HAUS7: variants seen among roughly 807,000 people sequenced by gnomAD.
HAUS7 encodes HAUS augmin like complex subunit 7.
A neutral mutation model predicts 28.4 loss-of-function variants in HAUS7; 3 were observed. That is an observed-to-expected ratio of 0.11 (90% confidence interval 0.05 to 0.27). HAUS7 has a LOEUF of 0.27. Among genes scored for constraint, HAUS7 ranks in the 10% least tolerant of loss-of-function variants. HAUS7 has a pLI of 1.00. For synonymous variants in HAUS7, 165 were observed against 132.1 expected (o/e 1.25, Z -1.71); for missense variants, 284 against 297.3 (o/e 0.96, Z 0.33).
At chrX:153,491,378 C>A (rs782145905) in intron 1 of HAUS7, among the ~76,000 whole-genome samples, 1 of 112,792 alleles carries the variant, frequency 8.9e-6, no homozygotes, top group East Asian at 2.8e-4. Context: ...GAAGACAGGG[C>A]ACAAACAGCT....
At chrX:153,478,263 C>A (rs938650933) in intron 1 of HAUS7, among the ~76,000 whole-genome samples, 7 of 112,212 alleles carry the variant, frequency 6.2e-5, no homozygotes, top group Non-Finnish European at 1.3e-4. Flanking sequence ...CAGGGACACC[C>A]CAGTTGGAGC....
chrX:153,482,052 G>A, intron 1 of HAUS7: 1 of 280,080 alleles, frequency 3.6e-6, no homozygotes, highest in Non-Finnish European at 4.9e-6. Flanking sequence ...CCTGGAGGAG[G>A]CACTGCAGAG....
intron 1 of HAUS7, among the ~76,000 whole-genome samples, chrX:153,476,487 A>G (rs1406417177): frequency 1.8e-5 from 2 of 111,809 alleles, no homozygotes; most frequent in African/African-American, 3.3e-5. Context: ...AGTGGGCTAC[A>G]TGGAAGGGAA....
intron 1 of HAUS7, chrX:153,481,864 A>C: frequency 7.9e-6 from 6 of 755,398 alleles, no homozygotes; most frequent in Non-Finnish European, 9.4e-6. Flanking sequence ...CCCAACCTGG[A>C]GTGGCTGGAT....
chrX:153,447,901 T>C lies in HAUS7; in HGVS notation c.1054A>G (p.Met352Val), dbSNP rs1272409129. 1 of 1,198,575 alleles carries C rather than the reference T, an allele frequency of 8.3e-7. No individual in the cohort carries two copies. The highest frequency in any genetic ancestry group is 1.1e-6 in the Non-Finnish European group (1 of 884,223). ...SSSVMSLATK[M>V]NELMEK is the part of the protein sequence containing the mutation. ...TTCTATTTCTCCATTAGTTCATTCA[T>C]CTTGGTAGCTGCAGAGGAAAGAAAA... is the stretch of plus-strand genomic sequence containing the variant. The change falls in exon 10 of 10, where the codon ATG becomes GTG. Residue 352 changes from methionine to valine, a missense_variant. Met to Val is a conservative substitution (Grantham distance 21). Coordinates refer to ENST00000370211, the MANE Select transcript of HAUS7 (RefSeq NM_001385482.1).
chrX:153,461,886 C>A, intron 4 of HAUS7: 1 of 341,204 alleles, frequency 2.9e-6, no homozygotes. Flanking sequence ...CCACTCCCAG[C>A]TATACACCCA....
chrX:153,451,598 G>C (rs2089240346), intron 9 of HAUS7, among the ~76,000 whole-genome samples: 1 of 112,172 alleles, frequency 8.9e-6, no homozygotes, highest in Non-Finnish European at 1.9e-5. Context: ...AGAGGCTATG[G>C]ACCTGAAACC....
chrX:153,462,627 C>G lies in HAUS7; in HGVS notation c.337G>C (p.Asp113His). 1 of 1,205,250 alleles carries G rather than the reference C, an allele frequency of 8.3e-7. No homozygotes were observed. The highest frequency in any genetic ancestry group is 1.1e-6 in the Non-Finnish European group (1 of 889,015). Reference sequence around the variant, plus strand: ...CCTCTTACCTTGAGGAGCTCCTGGTCATCTGGCGCACACAGCATCAGCTCG... The same window carrying G: ...CCTCTTACCTTGAGGAGCTCCTGGTGATCTGGCGCACACAGCATCAGCTCG... The part of the protein sequence containing the change: ...GHELMLCAPD[D>H]QELLKGCACA... The change falls in exon 4 of 10, where the codon GAC (aspartate) becomes CAC (histidine). Residue 113 changes from aspartate (D) to histidine (H), a missense_variant. Transcript: ENST00000370211.
At chrX:153,462,278 G>A (rs1433689124) in intron 4 of HAUS7, 4 of 666,680 alleles carry the variant, frequency 6.0e-6, no homozygotes, top group Admixed American at 8.8e-5. Flanking sequence ...GCCAGGCGCC[G>A]GGATGAATGA....
At chrX:153,458,433 G>A (rs782149272) in intron 4 of HAUS7, among the ~76,000 whole-genome samples, 1 of 113,184 alleles carries the variant, frequency 8.8e-6, no homozygotes, top group South Asian at 3.6e-4. Flanking sequence ...AGGATCACGC[G>A]TGTCCCAGCG....
intron 1 of HAUS7, among the ~76,000 whole-genome samples, chrX:153,489,912 C>A (rs1376314222): frequency 8.9e-6 from 1 of 112,982 alleles, no homozygotes; most frequent in African/African-American, 3.2e-5. Context: ...CCACCCCCTA[C>A]CCCCATAATA....
At chrX:153,485,111 G>A (rs782070674) in intron 1 of HAUS7, among the ~76,000 whole-genome samples, 5 of 112,266 alleles carry the variant, frequency 4.5e-5, no homozygotes, top group South Asian at 3.7e-4. Flanking sequence ...ACCATGGAGC[G>A]ACCGGGGGCT....
At chrX:153,448,048 T>C (rs965605198) in intron 9 of HAUS7, 139 bp from the exon 10 acceptor site, 35 of 485,895 alleles carry the variant, frequency 7.2e-5, no homozygotes, top group Middle Eastern at 5.6e-4. Flanking sequence ...ACTGGGTATA[T>C]ACCCAAAGGA....
rs369914736 is a variant in HAUS7 at position 153,456,268 on chromosome X, C to T, written c.702G>A (p.Thr234=). ...ESAAKLHALR[T]EYFAQHEQGA... is the part of the protein sequence containing the mutation. Reference sequence around the variant, plus strand: ...TCCCAGGAGCTAGCACCCTCACCTCCGTTCTAAGCGCGTGCAACTTGGCAG... The same window carrying T: ...TCCCAGGAGCTAGCACCCTCACCTCTGTTCTAAGCGCGTGCAACTTGGCAG... Residue 234 remains threonine, a synonymous_variant, in exon 7 of 10, where the codon ACG becomes ACA. Coordinates refer to ENST00000370211, the MANE Select transcript of HAUS7 (RefSeq NM_001385482.1). The T allele has an allele frequency of 1.0e-5, 12 of 1,203,668 alleles. No individual in the cohort carries two copies. The highest frequency in any genetic ancestry group is 8.8e-5 in the South Asian group (5 of 56,720).
In HAUS7 at chrX:153,470,565, G is replaced by A. The variant is rs377247791; in HGVS notation, c.-8C>T. ...AGCGTCCTGCCCCGCCATGTTTCGC[G>A]CTCCGAGCCGCGCCCCGCCCATGCC... On this transcript the variant is annotated 5_prime_UTR_variant, in exon 1 of 10. Transcript: ENST00000370211. 2 of 1,202,489 alleles carry A rather than the reference G, an allele frequency of 1.7e-6. No homozygotes were observed. Among genetic ancestry groups the A allele is most frequent in the Admixed American group, 2.2e-5 (1 of 45,690 alleles).
At chrX:153,453,319 A>G (rs1242054359) in intron 9 of HAUS7, among the ~76,000 whole-genome samples, 1 of 111,814 alleles carries the variant, frequency 8.9e-6, no homozygotes, top group Non-Finnish European at 1.9e-5. Flanking sequence ...TCTGGGGGTG[A>G]TAAAAATGTT....
intron 1 of HAUS7, among the ~76,000 whole-genome samples, chrX:153,492,461 G>A (rs1305180636): frequency 3.6e-5 from 4 of 112,298 alleles, no homozygotes; most frequent in African/African-American, 1.3e-4. Flanking sequence ...CGGGCCGGGC[G>A]TGCAGTTATG....
chrX:153,455,391 G>GAGCCC (rs1276820443), intron 8 of HAUS7, 151 bp downstream of exon 8: 2 of 454,731 alleles, frequency 4.4e-6, no homozygotes, highest in African/African-American at 5.5e-5. Flanking sequence ...GGCCAGCAGG[G>GAGCCC]AGCCCAGCCC....
At chrX:153,494,619 G>A (rs1244471551) in intron 1 of HAUS7, among the ~76,000 whole-genome samples, 2 of 111,285 alleles carry the variant, frequency 1.8e-5, no homozygotes, top group African/African-American at 3.3e-5. Flanking sequence ...CCTCTGCCTG[G>A]CGAGATGCCA....
Sources: gnomAD v4.1 joint callset for allele counts (sites outside exome capture counted in the v4.1 genomes callset) on GRCh38, gnomAD v4.1.1 for gene constraint, MANE v1.5 for transcripts, NCBI Gene and HGNC (gene_info 2026-07-23, HGNC 2026-07-21) for gene names.